The following ARHGAP24 variants were observed in gnomAD, a reference collection of about 807,000 sequenced individuals.
The protein encoded by ARHGAP24 is rho GTPase-activating protein 24.
Under a neutral mutation model 76.4 loss-of-function variants are expected in ARHGAP24, and 50 were observed. The observed-to-expected ratio is 0.65, with a 90% CI of 0.52 to 0.83. The LOEUF (loss-of-function observed/expected upper bound fraction) is 0.83. Among genes scored for constraint, ARHGAP24 ranks in the 40% least tolerant of loss-of-function variants. ARHGAP24 has a pLI of 0.00. For missense variants in ARHGAP24, 930 were observed against 914.2 expected (o/e 1.02, Z -0.22); for synonymous variants, 345 against 323.3 (o/e 1.07, Z -0.72).
chr4:85,561,434 G>C (rs955768200), intron 1 of ARHGAP24, among the ~76,000 whole-genome samples: 1 of 152,140 alleles, frequency 6.6e-6, no homozygotes, highest in African/African-American at 2.4e-5. Flanking sequence ...ACCACATTTT[G>C]ATTTATTCTT....
At chr4:85,510,010 A>G (rs1048498689) in intron 1 of ARHGAP24, among the ~76,000 whole-genome samples, 6 of 152,196 alleles carry the variant, frequency 3.9e-5, no homozygotes, top group Non-Finnish European at 2.9e-5. Context: ...CTATTCAGAA[A>G]TAGTTCTCAA....
chr4:85,690,758 G>GTTTT (rs57175662), intron 2 of ARHGAP24, among the ~76,000 whole-genome samples: 3 of 130,758 alleles, frequency 2.3e-5, no homozygotes, highest in Admixed American at 7.5e-5. Context: ...TGTCAATCTT[G>GTTTT]TTTTTTTTTT....
At chr4:85,630,921 T>C (rs1269507291) in intron 2 of ARHGAP24, among the ~76,000 whole-genome samples, 1 of 152,108 alleles carries the variant, frequency 6.6e-6, no homozygotes, top group East Asian at 1.9e-4. Context: ...TACATAGTGT[T>C]AATATTTTCC....
chr4:85,961,779 T>C (rs1578437090), intron 5 of ARHGAP24, among the ~76,000 whole-genome samples: 1 of 152,200 alleles, frequency 6.6e-6, no homozygotes, highest in East Asian at 1.9e-4. Context: ...CACACACATA[T>C]GCACACGTGC....
In ARHGAP24 at chr4:85,590,552, G is replaced by C. The variant is rs192223070; in HGVS notation, c.180+19831G>C. Reference sequence around the variant, plus strand: ...TTTTTGTATTTTTAGTAGAGACGGGGTTTCACCATGTTGGCCAGGCTGGTC... The same window carrying C: ...TTTTTGTATTTTTAGTAGAGACGGGCTTTCACCATGTTGGCCAGGCTGGTC... On this transcript the variant is annotated intron_variant, in intron 2 of 9. Coordinates refer to ENST00000395184, the MANE Select transcript of ARHGAP24 (RefSeq NM_001025616.3). 1.8e-3 allele frequency among the ~76,000 whole-genome samples: 266 copies of C among 151,884 alleles called. 3 individuals carry two copies. Among genetic ancestry groups the C allele is most frequent in the African/African-American group, 6.0e-3 (250 of 41,414 alleles).
At chr4:85,655,976 T>C (rs962055751) in intron 2 of ARHGAP24, among the ~76,000 whole-genome samples, 15 of 151,990 alleles carry the variant, frequency 9.9e-5, no homozygotes, top group Admixed American at 4.6e-4. Context: ...CACCTTTTTA[T>C]TGGGTTGCTT....
intron 3 of ARHGAP24, among the ~76,000 whole-genome samples, chr4:85,811,846 G>C (rs915761124): frequency 6.6e-6 from 1 of 152,130 alleles, no homozygotes; most frequent in Non-Finnish European, 1.5e-5. Context: ...AGAAATAAAA[G>C]CTGGTAACAT....
At chr4:85,555,883 A>G (rs184419334) in intron 1 of ARHGAP24, among the ~76,000 whole-genome samples, 42 of 152,166 alleles carry the variant, frequency 2.8e-4, no homozygotes, top group African/African-American at 8.4e-4. Flanking sequence ...GGGGAAACTG[A>G]CTGGCTTCTT....
chr4:85,931,859 T>C (rs114418949), intron 4 of ARHGAP24, among the ~76,000 whole-genome samples: 92 of 152,312 alleles, frequency 6.0e-4, no homozygotes, highest in African/African-American at 2.2e-3. Context: ...ATTATAATGT[T>C]AATGACATGT....
chr4:85,639,151 C>T (rs547380177), intron 2 of ARHGAP24, among the ~76,000 whole-genome samples: 1 of 152,220 alleles, frequency 6.6e-6, no homozygotes, highest in East Asian at 1.9e-4. Context: ...GAGAATGTAG[C>T]CCATGAAATT....
chr4:85,902,777 T>C (rs566440560), intron 3 of ARHGAP24, among the ~76,000 whole-genome samples: 9 of 152,298 alleles, frequency 5.9e-5, no homozygotes, highest in South Asian at 2.1e-4. Flanking sequence ...CTAATTTTTG[T>C]ATTTTTATTA....
intron 2 of ARHGAP24, among the ~76,000 whole-genome samples, chr4:85,676,072 A>G (rs74595707): frequency 6.6e-6 from 1 of 152,304 alleles, no homozygotes; most frequent in East Asian, 1.9e-4. Flanking sequence ...AATGATGATA[A>G]AATTGATGGT....
intron 2 of ARHGAP24, among the ~76,000 whole-genome samples, chr4:85,660,772 G>A (rs146524249): frequency 8.9e-6 from 1 of 111,960 alleles, no homozygotes; most frequent in Admixed American, 1.4e-4. Context: ...CTCTAGCCTG[G>A]TGACAGAGAG....
At chr4:85,538,593 G>C (rs564308135) in intron 1 of ARHGAP24, among the ~76,000 whole-genome samples, 31 of 152,154 alleles carry the variant, frequency 2.0e-4, no homozygotes, top group Admixed American at 1.7e-3. Context: ...GTGTCTCCAC[G>C]CACCTATTTG....
chr4:85,704,634 T>C (rs1310526917), intron 2 of ARHGAP24, among the ~76,000 whole-genome samples: 1 of 152,206 alleles, frequency 6.6e-6, no homozygotes, highest in African/African-American at 2.4e-5. Context: ...GTTCTTTGTC[T>C]TCATTTATTT....
chr4:85,927,961 G>T (rs1321872336), intron 4 of ARHGAP24, among the ~76,000 whole-genome samples: 1 of 152,174 alleles, frequency 6.6e-6, no homozygotes, highest in Non-Finnish European at 1.5e-5. Flanking sequence ...TAAATAAAAT[G>T]TAGGGTTTTG....
chr4:85,513,112 A>G (rs890280335), intron 1 of ARHGAP24, among the ~76,000 whole-genome samples: 4 of 152,244 alleles, frequency 2.6e-5, no homozygotes, highest in African/African-American at 4.8e-5. Context: ...AAGGAGAGCA[A>G]TAATAGCTGC....
intron 8 of ARHGAP24, among the ~76,000 whole-genome samples, chr4:85,989,661 A>G (rs969106735): frequency 6.6e-6 from 1 of 151,704 alleles, no homozygotes; most frequent in African/African-American, 2.4e-5. Context: ...GATTGACTTC[A>G]CCATATAAAA....
In ARHGAP24 at chr4:85,874,910, AT is replaced by A. The variant is rs1239365041; in HGVS notation, c.269-48737del. 1.1e-4 allele frequency among the ~76,000 whole-genome samples: 11 copies of A among 95,924 alleles called. 1 individual carries two copies. Among genetic ancestry groups the A allele is most frequent in the African/African-American group, 4.3e-4 (10 of 23,470 alleles). 62.9% of individuals were successfully genotyped at this position (95,924 alleles called of 152,430 possible). On this transcript the variant is annotated intron_variant, in intron 3 of 9. Coordinates refer to ENST00000395184, the MANE Select transcript of ARHGAP24 (RefSeq NM_001025616.3). Reference sequence around the variant, plus strand: ...TAAATATATTTTATATAATTTATATATAAATATATTTATATATAATTTATAT... The same window carrying A: ...TAAATATATTTTATATAATTTATATAAAATATATTTATATATAATTTATAT...
Sources: gnomAD v4.1 joint callset for allele counts (sites outside exome capture counted in the v4.1 genomes callset) on GRCh38, gnomAD v4.1.1 for gene constraint, MANE v1.5 for transcripts, NCBI Gene and HGNC (gene_info 2026-07-23, HGNC 2026-07-21) for gene names.